The following VTI1B variants were observed in gnomAD, a reference collection of about 807,000 sequenced individuals.
The protein encoded by VTI1B is vesicle transport through interaction with t-SNAREs homolog 1B.
In VTI1B, 18 loss-of-function variants were observed where a neutral mutation model predicts 28.6. The ratio of observed to expected loss-of-function variants is 0.63; its 90% CI spans 0.43 to 0.93. The LOEUF (loss-of-function observed/expected upper bound fraction) is 0.93. Ranked by LOEUF, VTI1B falls within the 40% of genes least tolerant of loss-of-function variation. The pLI is 0.00. For missense variants in VTI1B, 283 were observed against 297.0 expected (o/e 0.95, Z 0.35); for synonymous variants, 100 against 107.9 (o/e 0.93, Z 0.46).
chr14:67,651,745 C>T (rs2037180980), intron 5 of VTI1B: 1 of 292,954 alleles, frequency 3.4e-6, no homozygotes. Flanking sequence ...TAGTTACTTC[C>T]TTTAAAAATA....
intron 3 of VTI1B, among the ~76,000 whole-genome samples, chr14:67,659,278 C>A (rs1213531861): frequency 6.6e-6 from 1 of 152,114 alleles, no homozygotes; most frequent in Non-Finnish European, 1.5e-5. Flanking sequence ...TAAAGGAAAG[C>A]TTGGATTGAT....
rs2037149914 is a variant in VTI1B at position 67,649,895 on chromosome 14, C to T, written c.*1490G>A. On this transcript the variant is annotated 3_prime_UTR_variant, in exon 6 of 6. Transcript: ENST00000554659. ...GAATAACCAACTAAAAAGTTAAATT[C>T]TATAGAGAAGTGAGGCATTTAGAGG... The T allele has an allele frequency of 6.6e-6, 1 of 152,108 alleles. No individual in the cohort carries two copies. Among genetic ancestry groups the T allele is most frequent in the African/African-American group, 2.4e-5 (1 of 41,400 alleles). 9.4% of individuals were successfully genotyped at this position (152,108 alleles called of 1,614,324 possible).
rs115989736 is a variant in VTI1B, at chr14:67,658,855, G to A, written c.366+876C>T. ...CTAGTTTTGGCATCAGCAATGTCAA[G>A]CCAATATCATCCTGAATATCTCTTA... On this transcript the variant is annotated intron_variant, in intron 3 of 5. Coordinates refer to ENST00000554659, the MANE Select transcript of VTI1B (RefSeq NM_006370.3). 4.9e-3 allele frequency among the ~76,000 whole-genome samples: 743 copies of A among 152,282 alleles called. 9 individuals carry two copies. Among genetic ancestry groups the A allele is most frequent in the African/African-American group, 0.017 (695 of 41,552 alleles).
At chr14:67,667,937 C>G (rs562463874) in intron 1 of VTI1B, among the ~76,000 whole-genome samples, 11 of 152,074 alleles carry the variant, frequency 7.2e-5, no homozygotes, top group African/African-American at 2.4e-4. Flanking sequence ...GAGCAACACT[C>G]CATCTCAAAA....
chr14:67,651,457 AAGC>A lies in VTI1B; in HGVS notation c.624_626del (p.Leu209del). On this transcript the variant is annotated inframe_deletion, in exon 6 of 6. Transcript: ENST00000554659. ...CGAGCTCCAGTAAGATGATAATGGA[AAGC>A]AGCAGCTTGTTGGTTGTCACTCTAC... 6.2e-7 allele frequency: 1 copy of A among 1,613,918 alleles called. No homozygotes were observed. Among genetic ancestry groups the A allele is most frequent in the Non-Finnish European group, 8.5e-7 (1 of 1,179,798 alleles).
chr14:67,660,990 T>G (rs2037326794), intron 2 of VTI1B, among the ~76,000 whole-genome samples: 1 of 152,168 alleles, frequency 6.6e-6, no homozygotes, highest in African/African-American at 2.4e-5. Context: ...GGCCTGGTCT[T>G]TCTTAAAACA....
intron 5 of VTI1B, 97 bp from the exon 6 acceptor site, chr14:67,651,578 G>A (rs975091085): frequency 7.3e-7 from 1 of 1,368,632 alleles, no homozygotes; most frequent in African/African-American, 1.5e-5. Context: ...TGGATACTCT[G>A]AGGCTGTATG....
intron 1 of VTI1B, among the ~76,000 whole-genome samples, chr14:67,666,053 G>A (rs1353263173): frequency 2.6e-5 from 4 of 152,192 alleles, no homozygotes; most frequent in Admixed American, 2.0e-4. Context: ...GTAATAAGCT[G>A]TCCCAAAAGT....
At chr14:67,673,180 T>C (rs1475731514) in intron 1 of VTI1B, among the ~76,000 whole-genome samples, 2 of 152,150 alleles carry the variant, frequency 1.3e-5, no homozygotes, top group Non-Finnish European at 2.9e-5. Context: ...CTGTCTCTAC[T>C]AAAAATACAA....
Position 67,656,526 on chromosome 14 carries a change from G to C in VTI1B, c.430C>G (p.Gln144Glu), listed in dbSNP as rs1309876960. Residue 144 changes from glutamine to glutamate, a missense_variant, in exon 4 of 6, where the codon CAA becomes GAA. By Grantham distance (29) the Gln-to-Glu change is conservative. Coordinates refer to ENST00000554659, the MANE Select transcript of VTI1B (RefSeq NM_006370.3). The part of the protein sequence containing the change: ...QGTESLNRAT[Q>E]SIERSHRIAT... ...ATCCGATGAGAACGTTCAATACTTT[G>C]GGTGGCCCGGTTCAGGCTTTCAGTG... The C allele has an allele frequency of 1.9e-6, 3 of 1,613,774 alleles. No individual in the cohort carries two copies. The African/African-American group carries it at 4.0e-5, about 22-fold the overall frequency.
chr14:67,651,586 A>ATGT, intron 5 of VTI1B, 105 bp from the exon 6 acceptor site: 1 of 1,271,000 alleles, frequency 7.9e-7, no homozygotes, highest in South Asian at 1.5e-5. Context: ...CTGAGGCTGT[A>ATGT]TGTTTGATCA....
chr14:67,654,311 ATGAGGTCTCGCTCTAGAG>A (rs1427024195), intron 4 of VTI1B, among the ~76,000 whole-genome samples: 36 of 260 alleles, frequency 0.14, no homozygotes, highest in African/African-American at 0.2. Flanking sequence ...CGCTATAGAG[ATGAGGTCTCGCTCTAGAG>A]ATGAGGTCTC....
At chr14:67,655,142 G>A (rs529123817) in intron 4 of VTI1B, among the ~76,000 whole-genome samples, 3 of 151,354 alleles carry the variant, frequency 2.0e-5, no homozygotes, top group Non-Finnish European at 2.9e-5. Flanking sequence ...GAGTTCGAGA[G>A]CAACTTTGGC....
intron 3 of VTI1B, among the ~76,000 whole-genome samples, chr14:67,656,915 A>G (rs1042375356): frequency 1.3e-5 from 2 of 152,170 alleles, no homozygotes; most frequent in Admixed American, 6.5e-5. Context: ...TGGACTATCA[A>G]CTTCTGAAAG....
At chr14:67,669,959 G>T (rs891054691) in intron 1 of VTI1B, among the ~76,000 whole-genome samples, 2 of 152,132 alleles carry the variant, frequency 1.3e-5, no homozygotes, top group African/African-American at 4.8e-5. Context: ...GCCAGGCCTG[G>T]TGCCATGCAC....
intron 3 of VTI1B, chr14:67,657,347 T>C (rs2037271294): frequency 6.6e-6 from 1 of 152,174 alleles, no homozygotes. Context: ...ACAAAAAACC[T>C]TGAGCCTGCC....
In VTI1B at chr14:67,648,431, T is replaced by A. The variant is rs1018364529; in HGVS notation, c.*2954A>T. ...GTAAAAAATTGTATATTTAAACAAT[T>A]AAATACAAGAATAAATTGTCAAACT... is the stretch of plus-strand genomic sequence containing the variant. On this transcript the variant is annotated 3_prime_UTR_variant, in exon 6 of 6. Transcript: ENST00000554659. 2 of 333,068 alleles carry A rather than the reference T, an allele frequency of 6.0e-6. No individual in the cohort carries two copies. Among genetic ancestry groups the A allele is most frequent in the African/African-American group, 4.2e-5 (2 of 47,242 alleles). 20.6% of individuals were successfully genotyped at this position (333,068 alleles called of 1,614,324 possible).
intron 3 of VTI1B, among the ~76,000 whole-genome samples, chr14:67,657,565 A>G (rs1033295629): frequency 6.6e-6 from 1 of 151,810 alleles, no homozygotes; most frequent in Non-Finnish European, 1.5e-5. Context: ...AGGCAGCTCC[A>G]AGTTCTTAGC....
Position 67,650,825 on chromosome 14 carries a change from G to C in VTI1B, c.*560C>G. On this transcript the variant is annotated 3_prime_UTR_variant, in exon 6 of 6. Transcript: ENST00000554659. ...AGTAGATGTGATTGCTTCAAGCTTT[G>C]GTCAGACAAGAGAAGGAGGGCATAT... 1 of 1,614,144 alleles carries C rather than the reference G, an allele frequency of 6.2e-7. No individual in the cohort carries two copies. The highest frequency in any genetic ancestry group is 1.3e-5 in the African/African-American group (1 of 75,042).
Sources: gnomAD v4.1 joint callset for allele counts (sites outside exome capture counted in the v4.1 genomes callset) on GRCh38, gnomAD v4.1.1 for gene constraint, MANE v1.5 for transcripts, NCBI Gene and HGNC (gene_info 2026-07-23, HGNC 2026-07-21) for gene names.